The following NF1 variants were observed in gnomAD, a reference collection of about 807,000 sequenced individuals.
The protein encoded by NF1 is neurofibromin.
In NF1, 122 loss-of-function variants were observed where a neutral mutation model predicts 325.7. The ratio of observed to expected loss-of-function variants is 0.37; its 90% CI spans 0.32 to 0.44. The LOEUF is 0.44. Ranked by LOEUF, NF1 falls within the 20% of genes least tolerant of loss-of-function variation. NF1 has a pLI of 1.00. For synonymous variants in NF1, 1,091 were observed against 1,186.0 expected, an observed-to-expected ratio of 0.92 and a Z score of 1.65; for missense variants, 2,140 against 3,415.4, an observed-to-expected ratio of 0.63 and a Z score of 9.31.
At chr17:31,182,746 ATTAT>A in intron 8 of NF1, 81 bp downstream of exon 8, 3 of 1,324,816 alleles carry the variant, frequency 2.3e-6, no homozygotes, top group Non-Finnish European at 3.2e-6. Context: ...CTTTAGGCTT[ATTAT>A]TTAAGCAAAG....
intron 50 of NF1, among the ~76,000 whole-genome samples, chr17:31,350,662 A>G (rs17879371): frequency 0.015 from 2,293 of 152,318 alleles, 33 homozygotes; most frequent in Non-Finnish European, 0.024. Flanking sequence ...ACGTGCTTGG[A>G]TAGAGAACGA....
intron 36 of NF1, chr17:31,299,417 C>T (rs562988848): frequency 6.6e-6 from 1 of 152,042 alleles, no homozygotes; most frequent in East Asian, 1.9e-4. Flanking sequence ...ATTACATTTT[C>T]TATTAGGCTG....
intron 36 of NF1, among the ~76,000 whole-genome samples, chr17:31,281,131 G>T (rs2068111008): frequency 6.6e-6 from 1 of 152,074 alleles, no homozygotes; most frequent in African/African-American, 2.4e-5. Flanking sequence ...CACCTTACTT[G>T]CACGATTGCT....
chr17:31,280,026 C>T (rs1322352245), intron 36 of NF1, among the ~76,000 whole-genome samples: 3 of 152,080 alleles, frequency 2.0e-5, no homozygotes, highest in East Asian at 3.9e-4. Context: ...TTACCACATA[C>T]ATCTGATTAG....
chr17:31,304,063 ATAAT>A (rs1454295279), intron 36 of NF1: 3 of 499,750 alleles, frequency 6.0e-6, no homozygotes, highest in Middle Eastern at 5.2e-4. Flanking sequence ...GATAGGTACT[ATAAT>A]TAGTAAATAG....
At chr17:31,295,657 G>A in intron 36 of NF1, 1 of 1,614,086 alleles carries the variant, frequency 6.2e-7, no homozygotes, top group South Asian at 1.1e-5. Flanking sequence ...ATGACCACCT[G>A]TTATTGTAAA....
intron 4 of NF1, among the ~76,000 whole-genome samples, chr17:31,166,958 T>A (rs1172145884): frequency 2.0e-5 from 3 of 152,210 alleles, no homozygotes; most frequent in Non-Finnish European, 4.4e-5. Context: ...ATTTAAAATA[T>A]CTTTCAGTAT....
rs143996004 is a variant in NF1 at position 31,295,110 on chromosome 17, T to C, written c.4835+29771T>C. Reference sequence around the variant, plus strand: ...GGTAATGGAGTCTTTACATTTGTGGTTGTCTCTTCCCTCCATAAGTTAAGG... The same window carrying C: ...GGTAATGGAGTCTTTACATTTGTGGCTGTCTCTTCCCTCCATAAGTTAAGG... On this transcript the variant is annotated intron_variant, in intron 36 of 57. Coordinates refer to ENST00000358273, the MANE Select transcript of NF1 (RefSeq NM_001042492.3). 4.5e-4 allele frequency: 731 copies of C among 1,614,174 alleles called. No homozygotes were observed. Among genetic ancestry groups the C allele is most frequent in the Non-Finnish European group, 5.7e-4 (670 of 1,180,002 alleles).
intron 34 of NF1, among the ~76,000 whole-genome samples, 162 bp from the exon 35 acceptor site, chr17:31,261,549 G>A (rs1303380282): frequency 6.6e-6 from 1 of 152,142 alleles, no homozygotes; most frequent in Non-Finnish European, 1.5e-5. Flanking sequence ...AATCTTTTAT[G>A]AATTATTAAT....
chr17:31,214,426 T>C (rs2143958194), intron 12 of NF1, 25 bp from the exon 13 acceptor site: 2 of 1,561,190 alleles, frequency 1.3e-6, no homozygotes, highest in Non-Finnish European at 1.8e-6. Context: ...TTATGTCTGA[T>C]ACCATGTTTT....
At chr17:31,225,021 G>C (rs1392544851) in intron 16 of NF1, 74 bp from the exon 17 acceptor site, 1 of 1,539,276 alleles carries the variant, frequency 6.5e-7, no homozygotes. Flanking sequence ...CAAACAGGAA[G>C]ACAACTCAAA....
chr17:31,344,383 G>A lies in NF1; in HGVS notation c.7189+1248G>A, dbSNP rs979484180. 2.0e-5 allele frequency among the ~76,000 whole-genome samples: 3 copies of A among 152,198 alleles called. No individual in the cohort carries two copies. The East Asian group carries it at 5.8e-4, about 29-fold the overall frequency. ...CATGGCCAGAGACTGCAGTTAATAA[G>A]AACAGCATGTAGTGGTGGGTCAGAA... On this transcript the variant is annotated intron_variant, in intron 48 of 57. Coordinates refer to ENST00000358273, the MANE Select transcript of NF1 (RefSeq NM_001042492.3).
Position 31,330,312 on chromosome 17 carries a change from C to A in NF1, c.5626C>A (p.Leu1876Ile). The A allele has an allele frequency of 6.2e-7, 1 of 1,614,018 alleles. No individual in the cohort carries two copies. The highest frequency in any genetic ancestry group is 1.1e-5 in the South Asian group (1 of 91,080). The change falls in exon 39 of 58, where the codon CTT (leucine) becomes ATT (isoleucine). Residue 1876 changes from leucine to isoleucine, a missense_variant. This residue lies in a region of NF1 where 180 missense variants were observed against 435.1 expected (regional missense o/e 0.41). Coordinates refer to ENST00000358273, the MANE Select transcript of NF1 (RefSeq NM_001042492.3). ...DPSLRSAAYNLLCALTCTFNL... is the reference protein window; with the variant it reads ...DPSLRSAAYNILCALTCTFNL... The stretch of plus-strand genomic sequence containing the variant: ...TTCTCCTAGGTCAGCTGCCTATAAT[C>A]TTCTGTGTGCCTTAACTTGTACCTT...
chr17:31,245,583 A>G (rs916263832), intron 29 of NF1, among the ~76,000 whole-genome samples: 3 of 152,182 alleles, frequency 2.0e-5, no homozygotes, highest in Non-Finnish European at 2.9e-5. Context: ...TCAGGGGCAT[A>G]CTTTACTTTT....
intron 1 of NF1, chr17:31,133,116 C>T (rs1313434934): frequency 6.6e-6 from 1 of 152,160 alleles, no homozygotes; most frequent in Non-Finnish European, 1.5e-5. Flanking sequence ...AAACTGAAAC[C>T]CTTTACTCAT....
At chr17:31,271,416 G>A (rs554289286) in intron 36 of NF1, among the ~76,000 whole-genome samples, 8 of 152,140 alleles carry the variant, frequency 5.3e-5, no homozygotes, top group African/African-American at 9.6e-5. Context: ...TTTGTAGAGC[G>A]CTTTAGTTTA....
chr17:31,284,700 G>C (rs770027551), intron 36 of NF1, among the ~76,000 whole-genome samples: 4 of 151,966 alleles, frequency 2.6e-5, no homozygotes, highest in Admixed American at 2.6e-4. Context: ...CTAGGATTAC[G>C]GGCATAAGCC....
chr17:31,118,907 A>G (rs1914185735), intron 1 of NF1, among the ~76,000 whole-genome samples: 1 of 151,418 alleles, frequency 6.6e-6, no homozygotes, highest in African/African-American at 2.4e-5. Context: ...ACTCCCACCA[A>G]CAGTGTAAAG....
At chr17:31,124,592 A>ATTTTTTTTTTTTTT (rs35335433) in intron 1 of NF1, among the ~76,000 whole-genome samples, 2 of 62,918 alleles carry the variant, frequency 3.2e-5, no homozygotes, top group African/African-American at 5.9e-5. Flanking sequence ...GTATTCTTGA[A>ATTTTTTTTTTTTTT]TTTTTTTTTT....
Sources: allele counts gnomAD v4.1 joint callset (sites outside exome capture counted in the v4.1 genomes callset), GRCh38; gene constraint gnomAD v4.1.1; regional missense constraint gnomAD v4.1.1; transcripts MANE v1.5; gene names NCBI Gene and HGNC (gene_info 2026-07-23, HGNC 2026-07-21).